The following GALNTL6 variants were observed in gnomAD, a reference collection of about 807,000 sequenced individuals.
The protein encoded by GALNTL6 is polypeptide N-acetylgalactosaminyltransferase-like 6.
In GALNTL6, 46 loss-of-function variants were observed where a neutral mutation model predicts 73.7. That is an observed-to-expected ratio of 0.62 (90% CI 0.49 to 0.80). The LOEUF (loss-of-function observed/expected upper bound fraction) is 0.80. Among genes scored for constraint, GALNTL6 ranks in the 30% least tolerant of loss-of-function variants. The pLI, the probability that GALNTL6 is intolerant of heterozygous loss-of-function variation, is 0.00. For missense variants in GALNTL6, 604 were observed against 755.0 expected (o/e 0.80, Z 2.34); for synonymous variants, 259 against 263.7 (o/e 0.98, Z 0.17).
intron 2 of GALNTL6, among the ~76,000 whole-genome samples, chr4:172,137,699 A>G (rs1466035106): frequency 6.6e-6 from 1 of 152,184 alleles, no homozygotes; most frequent in African/African-American, 2.4e-5. Context: ...CAATGGATTC[A>G]ATGTGTTCTG....
At chr4:172,704,169 T>C (rs1331887045) in intron 5 of GALNTL6, among the ~76,000 whole-genome samples, 1 of 151,992 alleles carries the variant, frequency 6.6e-6, no homozygotes, top group Non-Finnish European at 1.5e-5. Context: ...TGATCTTTTG[T>C]AATTTTTTAG....
chr4:172,859,442 T>C (rs1744283007), intron 7 of GALNTL6, among the ~76,000 whole-genome samples: 2 of 152,168 alleles, frequency 1.3e-5, no homozygotes, highest in South Asian at 2.1e-4. Context: ...TAGAGATCTT[T>C]TCCACATCTT....
At chr4:172,673,480 A>G (rs1163332359) in intron 5 of GALNTL6, among the ~76,000 whole-genome samples, 2 of 152,158 alleles carry the variant, frequency 1.3e-5, no homozygotes, top group Non-Finnish European at 2.9e-5. Context: ...GTAGATATCT[A>G]TCATGTCCAT....
At chr4:172,641,703 T>G (rs965994296) in intron 5 of GALNTL6, among the ~76,000 whole-genome samples, 1 of 151,788 alleles carries the variant, frequency 6.6e-6, no homozygotes, top group African/African-American at 2.4e-5. Context: ...TTACTTACCA[T>G]TTATGTAACA....
At chr4:172,648,714 C>G (rs1157209359) in intron 5 of GALNTL6, among the ~76,000 whole-genome samples, 2 of 152,162 alleles carry the variant, frequency 1.3e-5, no homozygotes, top group African/African-American at 4.8e-5. Context: ...TTACACAAAA[C>G]ACACAAAATC....
intron 5 of GALNTL6, among the ~76,000 whole-genome samples, chr4:172,524,408 C>T (rs1167511212): frequency 6.6e-6 from 1 of 152,042 alleles, no homozygotes; most frequent in Non-Finnish European, 1.5e-5. Context: ...GCCACCATGC[C>T]CGGCTAATGT....
At chr4:172,233,492 A>G (rs1309296025) in intron 3 of GALNTL6, among the ~76,000 whole-genome samples, 1 of 152,090 alleles carries the variant, frequency 6.6e-6, no homozygotes, top group East Asian at 1.9e-4. Flanking sequence ...TTATTCACTT[A>G]ACCAATTATT....
At chr4:172,059,167 G>T (rs1731116557) in intron 2 of GALNTL6, among the ~76,000 whole-genome samples, 1 of 152,208 alleles carries the variant, frequency 6.6e-6, no homozygotes, top group African/African-American at 2.4e-5. Context: ...GAAAAAGGAA[G>T]GGGGTTTGCT....
intron 7 of GALNTL6, among the ~76,000 whole-genome samples, chr4:172,868,956 A>G (rs969230628): frequency 6.6e-6 from 1 of 152,168 alleles, no homozygotes; most frequent in Non-Finnish European, 1.5e-5. Context: ...ACCTCTCAGC[A>G]CACCATAATC....
intron 3 of GALNTL6, among the ~76,000 whole-genome samples, chr4:172,274,948 G>C (rs138666318): frequency 6.6e-6 from 1 of 152,124 alleles, no homozygotes; most frequent in Non-Finnish European, 1.5e-5. Context: ...TGTAAAAACC[G>C]TAGTAAAATT....
At chr4:172,923,524 G>A (rs1038292971) in intron 8 of GALNTL6, among the ~76,000 whole-genome samples, 2 of 152,100 alleles carry the variant, frequency 1.3e-5, no homozygotes, top group Non-Finnish European at 2.9e-5. Context: ...TAAGAAATAC[G>A]CAGGTAGAAT....
At chr4:172,805,531 C>T (rs1740904345) in intron 5 of GALNTL6, among the ~76,000 whole-genome samples, 1 of 151,988 alleles carries the variant, frequency 6.6e-6, no homozygotes, top group African/African-American at 2.4e-5. Context: ...TGGATTTTAA[C>T]AGTAATTTAT....
At chr4:171,982,199 C>T (rs1739916749) in intron 2 of GALNTL6, among the ~76,000 whole-genome samples, 1 of 151,966 alleles carries the variant, frequency 6.6e-6, no homozygotes, top group South Asian at 2.1e-4. Context: ...TTTTTTTCTC[C>T]CACTTTTATT....
intron 2 of GALNTL6, among the ~76,000 whole-genome samples, chr4:172,109,957 C>T (rs187133988): frequency 1.3e-5 from 2 of 152,226 alleles, no homozygotes; most frequent in Admixed American, 6.5e-5. Context: ...TTATAAAAGA[C>T]TTCTGAAATA....
At chr4:172,651,456 C>G (rs116363670) in intron 5 of GALNTL6, among the ~76,000 whole-genome samples, 1,743 of 152,178 alleles carry the variant, frequency 0.011, 21 homozygotes, top group Middle Eastern at 0.041. Flanking sequence ...CTTTCAATCC[C>G]GAGTGCAGAC....
intron 2 of GALNTL6, among the ~76,000 whole-genome samples, chr4:172,074,987 A>G (rs918498276): frequency 3.3e-5 from 5 of 152,242 alleles, no homozygotes; most frequent in Admixed American, 1.3e-4. Context: ...GTTTATAACA[A>G]TAATGTTCAT....
chr4:172,111,324 A>G (rs1057049704), intron 2 of GALNTL6, among the ~76,000 whole-genome samples: 3 of 152,158 alleles, frequency 2.0e-5, no homozygotes, highest in African/African-American at 7.2e-5. Flanking sequence ...AATAGCATCT[A>G]TGTTCATGTC....
intron 2 of GALNTL6, among the ~76,000 whole-genome samples, chr4:171,960,581 G>A (rs1443190792): frequency 6.6e-6 from 1 of 150,790 alleles, no homozygotes; most frequent in East Asian, 1.9e-4. Context: ...CGCCCTGCCA[G>A]GATAGCTTTT....
intron 5 of GALNTL6, among the ~76,000 whole-genome samples, chr4:172,671,803 G>A (rs1732001535): frequency 6.6e-6 from 1 of 152,064 alleles, no homozygotes; most frequent in Admixed American, 6.6e-5. Flanking sequence ...GCCATATATG[G>A]CTCTTATTGT....
Sources: allele counts gnomAD v4.1 joint callset (sites outside exome capture counted in the v4.1 genomes callset), GRCh38; gene constraint gnomAD v4.1.1; transcripts MANE v1.5; gene names NCBI Gene and HGNC (gene_info 2026-07-23, HGNC 2026-07-21).